Variants in COL22A1 observed in about 807,000 individuals in gnomAD.
The protein encoded by COL22A1 is collagen alpha-1(XXII) chain.
COL22A1 carries 221 observed loss-of-function variants against 248.9 expected under a neutral mutation model. The observed-to-expected ratio is 0.89, with a 90% CI of 0.80 to 0.99. COL22A1 has a LOEUF of 0.99. Among genes scored for constraint, COL22A1 ranks in the 50% least tolerant of loss-of-function variants. The pLI is 0.00. For synonymous variants in COL22A1, 891 were observed against 793.4 expected (o/e 1.12, Z -2.07); for missense variants, 2,240 against 2,179.0 (o/e 1.03, Z -0.56).
chr8:138,679,965 G>A (rs1186529078), intron 39 of COL22A1, among the ~76,000 whole-genome samples: 4 of 152,344 alleles, frequency 2.6e-5, no homozygotes, highest in East Asian at 1.9e-4. Flanking sequence ...GTCTGGAAGC[G>A]TGGAGTCACT....
chr8:138,592,744 A>G (rs1393514660), intron 63 of COL22A1, among the ~76,000 whole-genome samples: 1 of 151,908 alleles, frequency 6.6e-6, no homozygotes, highest in Non-Finnish European at 1.5e-5. Context: ...TCGGTCGGAC[A>G]GGAGTGAATT....
intron 12 of COL22A1, among the ~76,000 whole-genome samples, chr8:138,795,374 A>G (rs1263772348): frequency 6.6e-6 from 1 of 152,218 alleles, no homozygotes; most frequent in Non-Finnish European, 1.5e-5. Flanking sequence ...TATGCTTTTA[A>G]TGGAGGAGCT....
intron 16 of COL22A1, among the ~76,000 whole-genome samples, chr8:138,764,563 T>G (rs1235571204): frequency 6.6e-6 from 1 of 152,270 alleles, no homozygotes; most frequent in Non-Finnish European, 1.5e-5. Flanking sequence ...CTGGCCTTGC[T>G]TCTACATAAA....
At chr8:138,750,461 C>T (rs74710438) in intron 22 of COL22A1, among the ~76,000 whole-genome samples, 2,581 of 152,260 alleles carry the variant, frequency 0.017, 70 homozygotes, top group Admixed American at 0.05. Flanking sequence ...CCTTTCAGAA[C>T]GGAGGATGTG....
chr8:138,634,592 A>G (rs1384857755), intron 49 of COL22A1, among the ~76,000 whole-genome samples: 2 of 152,172 alleles, frequency 1.3e-5, no homozygotes, highest in Non-Finnish European at 2.9e-5. Flanking sequence ...ACATTTGCTC[A>G]GGGGGCCCAG....
At chr8:138,696,022 C>T (rs1827478423) in intron 32 of COL22A1, among the ~76,000 whole-genome samples, 1 of 152,118 alleles carries the variant, frequency 6.6e-6, no homozygotes, top group African/African-American at 2.4e-5. Context: ...ATACGGACCC[C>T]ATATGACTTT....
chr8:138,657,669 T>G (rs1403671600), intron 44 of COL22A1, among the ~76,000 whole-genome samples: 1 of 152,216 alleles, frequency 6.6e-6, no homozygotes, highest in Non-Finnish European at 1.5e-5. Flanking sequence ...CTGCCGTCTC[T>G]GCCTTCTATG....
intron 37 of COL22A1, among the ~76,000 whole-genome samples, chr8:138,685,911 C>A (rs1434597572): frequency 6.6e-6 from 1 of 152,164 alleles, no homozygotes; most frequent in African/African-American, 2.4e-5. Context: ...ACGTTAGTGA[C>A]GACCTCCCAC....
intron 17 of COL22A1, among the ~76,000 whole-genome samples, chr8:138,761,796 G>A (rs546554289): frequency 6.6e-6 from 1 of 152,262 alleles, no homozygotes; most frequent in South Asian, 2.1e-4. Context: ...AAACTGAAGT[G>A]CATAAACATT....
intron 3 of COL22A1, among the ~76,000 whole-genome samples, chr8:138,872,253 C>A (rs1359693354): frequency 6.6e-6 from 1 of 152,162 alleles, no homozygotes; most frequent in Non-Finnish European, 1.5e-5. Flanking sequence ...GAGAATAGAG[C>A]TAACTATGAA....
At chr8:138,763,168 C>T (rs1033806717) in intron 16 of COL22A1, among the ~76,000 whole-genome samples, 1 of 152,108 alleles carries the variant, frequency 6.6e-6, no homozygotes, top group African/African-American at 2.4e-5. Context: ...GGGTGAATCA[C>T]CTGAGGTCAA....
At chr8:138,776,044 C>G (rs1421891772) in intron 15 of COL22A1, 34 bp from the exon 16 acceptor site, 9 of 1,610,236 alleles carry the variant, frequency 5.6e-6, no homozygotes, top group Non-Finnish European at 7.6e-6. Flanking sequence ...GACCCAACAT[C>G]TTAATCTGGC....
chr8:138,872,898 C>T (rs1823448664), intron 3 of COL22A1, among the ~76,000 whole-genome samples: 1 of 152,172 alleles, frequency 6.6e-6, no homozygotes, highest in Non-Finnish European at 1.5e-5. Context: ...GTTGTTATTC[C>T]ACTCCTCAGT....
At chr8:138,901,646 C>T (rs190699050) in intron 1 of COL22A1, among the ~76,000 whole-genome samples, 68 of 152,232 alleles carry the variant, frequency 4.5e-4, no homozygotes, top group African/African-American at 1.6e-3. Context: ...GGATTGCAGG[C>T]ATGAGCCACC....
At chr8:138,625,475 T>C (rs575274052) in intron 51 of COL22A1, among the ~76,000 whole-genome samples, 2 of 152,270 alleles carry the variant, frequency 1.3e-5, no homozygotes, top group South Asian at 4.1e-4. Context: ...GCATGGCCTT[T>C]GTGGAGGAAT....
intron 23 of COL22A1, among the ~76,000 whole-genome samples, chr8:138,736,652 C>T (rs938312385): frequency 2.6e-5 from 4 of 152,050 alleles, no homozygotes; most frequent in Admixed American, 6.5e-5. Flanking sequence ...GGAAGCAGAG[C>T]CAAGTATGGC....
intron 4 of COL22A1, among the ~76,000 whole-genome samples, chr8:138,841,596 A>C (rs1820885003): frequency 6.6e-6 from 1 of 151,992 alleles, no homozygotes; most frequent in Non-Finnish European, 1.5e-5. Context: ...CTAGGACAGA[A>C]GAGTCAGAAC....
At chr8:138,624,302 G>T (rs7818269) in intron 51 of COL22A1, among the ~76,000 whole-genome samples, 2 of 152,042 alleles carry the variant, frequency 1.3e-5, no homozygotes, top group South Asian at 2.1e-4. Flanking sequence ...TATAAGCATT[G>T]TTCATTTCTG....
chr8:138,658,741 G>C (rs11784469), intron 44 of COL22A1, among the ~76,000 whole-genome samples: 22,185 of 152,102 alleles, frequency 0.15, 2,726 homozygotes, highest in African/African-American at 0.33. Flanking sequence ...TCTGGGAAAT[G>C]ACTGAACATG....
Sources: allele counts gnomAD v4.1 joint callset (sites outside exome capture counted in the v4.1 genomes callset), GRCh38; gene constraint gnomAD v4.1.1; transcripts MANE v1.5; gene names NCBI Gene and HGNC (gene_info 2026-07-23, HGNC 2026-07-21).